SAP30L: variants seen among roughly 807,000 people sequenced by gnomAD.
The protein encoded by SAP30L is SAP30 like, also known as histone deacetylase complex subunit SAP30L.
SAP30L carries 10 observed loss-of-function variants against 22.3 expected under a neutral mutation model. The observed-to-expected ratio is 0.45, with a 90% CI of 0.28 to 0.76. The LOEUF is 0.76. Ranked by LOEUF, SAP30L falls within the 30% of genes least tolerant of loss-of-function variation. SAP30L has a pLI of 0.14. For synonymous variants in SAP30L, 91 were observed against 94.1 expected, an observed-to-expected ratio of 0.97 and a Z score of 0.19; for missense variants, 206 against 237.9, an observed-to-expected ratio of 0.87 and a Z score of 0.88.
At chr5:154,446,851 T>G (rs1757025742) in intron 1 of SAP30L, 46 bp downstream of exon 1, 1 of 1,520,180 alleles carries the variant, frequency 6.6e-7, no homozygotes, top group Admixed American at 1.8e-5. Flanking sequence ...CCCCCAGCTC[T>G]CCGTCCGCTG....
intron 2 of SAP30L, 138 bp from the exon 3 acceptor site, chr5:154,453,264 A>G (rs530343651): frequency 1.1e-5 from 7 of 629,622 alleles, no homozygotes; most frequent in Non-Finnish European, 1.7e-5. Context: ...CTAGTCCTCA[A>G]TAGACCATTT....
intron 2 of SAP30L, among the ~76,000 whole-genome samples, chr5:154,452,763 T>C (rs1238402591): frequency 2.0e-5 from 3 of 152,236 alleles, no homozygotes; most frequent in African/African-American, 7.2e-5. Flanking sequence ...TGTGCTCCTC[T>C]ATCCGGTCGC....
In SAP30L at chr5:154,453,450, C is replaced by T. The variant is rs750464028; in HGVS notation, c.373C>T (p.His125Tyr). ...QVNTLRRYKR[H>Y]YKLQTRPGFN... ...GAACACCCTACGACGTTATAAACGA[C>T]ACTACAAGTTGCAGACCAGACCAGG... The change falls in exon 3 of 4, where the codon CAC becomes TAC. Residue 125 changes from histidine (H) to tyrosine (Y), a missense_variant. His to Tyr is a moderately conservative substitution (Grantham distance 83). This residue lies in a region of SAP30L where 136 missense variants were observed against 187.4 expected (regional missense o/e 0.73). Transcript: ENST00000297109. The T allele has an allele frequency of 1.2e-6, 2 of 1,614,172 alleles. No individual in the cohort carries two copies. The highest frequency in any genetic ancestry group is 1.7e-5 in the Admixed American group (1 of 60,026).
In SAP30L at chr5:154,459,750, T is replaced by C. The variant is rs138609694; in HGVS notation, c.*3722T>C. 1 of 152,214 alleles carries C rather than the reference T, an allele frequency of 6.6e-6. No homozygotes were observed. The highest frequency in any genetic ancestry group is 1.5e-5 in the Non-Finnish European group (1 of 68,048). The allele number at this position is 152,214 out of a possible 1,614,324, so 9.4% of individuals were successfully genotyped here. A position where few individuals can be genotyped will look rare whatever the true frequency, so the allele number is the denominator to read the frequency against. ...ACGGATGCTCACATCATCAGGAAAT[T>C]GTTCAGCTGGAGGATTTATAACTTC... is the stretch of plus-strand genomic sequence containing the variant. On this transcript the variant is annotated 3_prime_UTR_variant, in exon 4 of 4. Coordinates refer to ENST00000297109, the MANE Select transcript of SAP30L (RefSeq NM_024632.6).
chr5:154,453,524 A>T, intron 3 of SAP30L, 24 bp downstream of exon 3: 1 of 1,458,328 alleles, frequency 6.9e-7, no homozygotes, highest in Non-Finnish European at 9.6e-7. Context: ...ATTGCCCTCT[A>T]AAGAGAGCCA....
intron 1 of SAP30L, among the ~76,000 whole-genome samples, chr5:154,449,693 G>A (rs1332447141): frequency 1.3e-5 from 2 of 152,212 alleles, no homozygotes; most frequent in African/African-American, 4.8e-5. Context: ...CATCAGCTAG[G>A]TGGGATTCTT....
intron 3 of SAP30L, 54 bp from the exon 4 acceptor site, chr5:154,455,846 T>A: frequency 6.4e-7 from 1 of 1,556,148 alleles, no homozygotes; most frequent in South Asian, 1.2e-5. Flanking sequence ...ATGTAGAATT[T>A]GCGGTGTGAT....
At chr5:154,447,711 A>T (rs1382850663) in intron 1 of SAP30L, among the ~76,000 whole-genome samples, 1 of 152,192 alleles carries the variant, frequency 6.6e-6, no homozygotes, top group Non-Finnish European at 1.5e-5. Flanking sequence ...TAGAATCAGA[A>T]TTTCTCCACA....
intron 2 of SAP30L, 179 bp from the exon 3 acceptor site, chr5:154,453,223 C>T (rs1024771741): frequency 9.4e-6 from 5 of 533,648 alleles, no homozygotes; most frequent in African/African-American, 1.9e-5. Context: ...AACTGTTTTT[C>T]TACTGTTATT....
intron 1 of SAP30L, 56 bp downstream of exon 1, chr5:154,446,861 G>T: frequency 6.7e-7 from 1 of 1,483,608 alleles, no homozygotes. Flanking sequence ...TCCGTCCGCT[G>T]CCCTGGGCTC....
Position 154,455,901 on chromosome 5 carries a change from C to T in SAP30L, c.425C>T (p.Thr142Ile). 1.9e-6 allele frequency: 3 copies of T among 1,610,722 alleles called. No individual in the cohort carries two copies. The highest frequency in any genetic ancestry group is 2.5e-6 in the Non-Finnish European group (3 of 1,179,000). ...CTTTGGTATTTTCCCCCCACATAGA[C>T]TGTGAGTCGACACTTCAGGAACATA... ...PGFNKAQLAE[T>I]VSRHFRNIPV... The change falls in exon 4 of 4, where the codon ACT becomes ATT. Residue 142 changes from threonine (T) to isoleucine (I), a missense_variant and splice_region_variant. Coordinates refer to ENST00000297109, the MANE Select transcript of SAP30L (RefSeq NM_024632.6).
intron 2 of SAP30L, chr5:154,452,616 C>T: frequency 3.3e-6 from 1 of 307,000 alleles, no homozygotes; most frequent in Non-Finnish European, 4.8e-6. Flanking sequence ...CAGTCATCTG[C>T]AAAGACCCCA....
At chr5:154,448,337 G>A (rs1159362530) in intron 1 of SAP30L, among the ~76,000 whole-genome samples, 1 of 152,176 alleles carries the variant, frequency 6.6e-6, no homozygotes, top group Non-Finnish European at 1.5e-5. Flanking sequence ...TTATAATACA[G>A]TTGCAGCTCT....
intron 2 of SAP30L, among the ~76,000 whole-genome samples, chr5:154,451,468 T>C (rs1237955480): frequency 1.3e-5 from 2 of 152,206 alleles, no homozygotes; most frequent in Admixed American, 6.5e-5. Context: ...GAGGCTCTAG[T>C]CTAGGGCCCT....
chr5:154,461,051 A>T lies in SAP30L; in HGVS notation c.*5023A>T, dbSNP rs983459400. 1 of 152,226 alleles carries T rather than the reference A, an allele frequency of 6.6e-6. No individual in the cohort carries two copies. The highest frequency in any genetic ancestry group is 1.5e-5 in the Non-Finnish European group (1 of 68,048). The allele number at this position is 152,226 out of a possible 1,614,324, so 9.4% of individuals were successfully genotyped here. On this transcript the variant is annotated 3_prime_UTR_variant, in exon 4 of 4. Transcript: ENST00000297109. ...TTAATAAATAATCTGAATGAGTAAGAGACCCTCTGTCTTCCCTTTGAATTT... is the reference window on the plus strand; with the variant it reads ...TTAATAAATAATCTGAATGAGTAAGTGACCCTCTGTCTTCCCTTTGAATTT...
Position 154,460,472 on chromosome 5 carries a change from T to TG in SAP30L, c.*4447dup, listed in dbSNP as rs1757351533. 3 of 152,258 alleles carry TG rather than the reference T, an allele frequency of 2.0e-5. No individual in the cohort carries two copies. The South Asian group carries it at 6.2e-4, about 31-fold the overall frequency. 9.4% of individuals were successfully genotyped at this position (152,258 alleles called of 1,614,324 possible). A position where few individuals can be genotyped will look rare whatever the true frequency, so the allele number is the denominator to read the frequency against. The stretch of plus-strand genomic sequence containing the variant: ...GGCAGATGAGCTCAAGATCATGCCT[T>TG]GGGAAGCATGGTGCTCTAGGGGTGC... On this transcript the variant is annotated 3_prime_UTR_variant, in exon 4 of 4. Coordinates refer to ENST00000297109, the MANE Select transcript of SAP30L (RefSeq NM_024632.6).
intron 2 of SAP30L, among the ~76,000 whole-genome samples, chr5:154,451,729 C>T (rs1233288833): frequency 2.6e-5 from 4 of 152,142 alleles, no homozygotes; most frequent in Non-Finnish European, 4.4e-5. Flanking sequence ...AAACTGGACC[C>T]GGTTTTCTCA....
In SAP30L at chr5:154,458,016, G is replaced by A. The variant is rs1757300102; in HGVS notation, c.*1988G>A. The A allele has an allele frequency of 6.6e-6, 1 of 152,244 alleles. No homozygotes were observed. The highest frequency in any genetic ancestry group is 1.5e-5 in the Non-Finnish European group (1 of 68,046). 9.4% of individuals were successfully genotyped at this position (152,244 alleles called of 1,614,324 possible). A position where few individuals can be genotyped will look rare whatever the true frequency, so the allele number is the denominator to read the frequency against. On this transcript the variant is annotated 3_prime_UTR_variant, in exon 4 of 4. Coordinates refer to ENST00000297109, the MANE Select transcript of SAP30L (RefSeq NM_024632.6). ...ATACGTAAACCAGAATTGTGGGCGT[G>A]TAGGTCACATCACTATTTCTTTAGC... is the stretch of plus-strand genomic sequence containing the variant.
chr5:154,448,866 G>A (rs961350751), intron 1 of SAP30L, among the ~76,000 whole-genome samples: 5 of 152,168 alleles, frequency 3.3e-5, no homozygotes, highest in Non-Finnish European at 5.9e-5. Flanking sequence ...TGGTGTTGTG[G>A]AGTCATTATT....
Sources: allele counts gnomAD v4.1 joint callset (sites outside exome capture counted in the v4.1 genomes callset), GRCh38; gene constraint gnomAD v4.1.1; regional missense constraint gnomAD v4.1.1; transcripts MANE v1.5; gene names NCBI Gene and HGNC (gene_info 2026-07-23, HGNC 2026-07-21).